PATJ: variants seen among roughly 807,000 people sequenced by gnomAD.
PATJ encodes PATJ crumbs cell polarity complex component, also known as inaD-like protein.
Under a neutral mutation model 224.9 loss-of-function variants are expected in PATJ, and 190 were observed. The observed-to-expected ratio is 0.84, with a 90% CI of 0.75 to 0.95. The LOEUF is 0.95. Ranked by LOEUF, PATJ falls within the 40% of genes least tolerant of loss-of-function variation. The pLI, the probability that PATJ is intolerant of heterozygous loss-of-function variation, is 0.00. For synonymous variants in PATJ, 769 were observed against 820.3 expected, an observed-to-expected ratio of 0.94 and a Z score of 1.07; for missense variants, 2,121 against 2,270.3, an observed-to-expected ratio of 0.93 and a Z score of 1.34.
chr1:61,803,426 C>T (rs77466129), intron 12 of PATJ, among the ~76,000 whole-genome samples: 466 of 152,224 alleles, frequency 3.1e-3, no homozygotes, highest in African/African-American at 0.01. Context: ...TTAACTCCAA[C>T]ACATGCACTA....
chr1:61,978,865 TG>T (rs1175463545), intron 27 of PATJ, among the ~76,000 whole-genome samples: 2 of 152,254 alleles, frequency 1.3e-5, no homozygotes, highest in East Asian at 3.8e-4. Context: ...ATTAAAATAC[TG>T]GGCAGTGACT....
chr1:62,090,942 T>C (rs181772892), intron 33 of PATJ, among the ~76,000 whole-genome samples: 32 of 152,354 alleles, frequency 2.1e-4, no homozygotes, highest in Admixed American at 1.1e-3. Context: ...CTGGGGTTAT[T>C]ATCAGGCTTG....
At chr1:61,893,780 A>T (rs1474031562) in intron 22 of PATJ, among the ~76,000 whole-genome samples, 5 of 151,616 alleles carry the variant, frequency 3.3e-5, no homozygotes, top group Non-Finnish European at 7.4e-5. Flanking sequence ...CAAAACAACA[A>T]AACAAGAGAA....
chr1:62,058,706 T>TAG (rs2148628041), intron 31 of PATJ, among the ~76,000 whole-genome samples: 1 of 152,340 alleles, frequency 6.6e-6, no homozygotes, highest in South Asian at 2.1e-4. Flanking sequence ...ATTTTGCCTA[T>TAG]ATGAAATGTA....
chr1:61,965,043 T>C (rs1681889911), intron 27 of PATJ, among the ~76,000 whole-genome samples: 3 of 131,842 alleles, frequency 2.3e-5, no homozygotes, highest in African/African-American at 8.6e-5. Context: ...ACCCGAAAGG[T>C]GGAGGCTGCA....
chr1:62,015,348 G>A (rs371463186), intron 28 of PATJ, among the ~76,000 whole-genome samples: 5 of 151,774 alleles, frequency 3.3e-5, no homozygotes, highest in South Asian at 4.2e-4. Context: ...GAGTAGTTTC[G>A]AACCCATAAA....
In PATJ at chr1:61,864,577, G is replaced by T; in HGVS notation, c.2779G>T (p.Gly927Trp). Residue 927 changes from glycine (G) to tryptophan (W), a missense_variant, in exon 20 of 44, where the codon GGG becomes TGG. Transcript: ENST00000642238. ...ATCCGAGTCTCAAGAGGCAAGAACC[G>T]GGAGGACTGTCTATTCCCAGGAGGC... ...EPSESQEART[G>W]RTVYSQEAQP... 6.2e-7 allele frequency: 1 copy of T among 1,610,680 alleles called. No homozygotes were observed. The highest frequency in any genetic ancestry group is 2.2e-5 in the East Asian group (1 of 44,856).
intron 23 of PATJ, among the ~76,000 whole-genome samples, chr1:61,900,294 T>C (rs1221543090): frequency 2.6e-5 from 4 of 152,218 alleles, no homozygotes. Context: ...TAAGAGTTGT[T>C]TTCAGAGTTA....
Position 62,021,923 on chromosome 1 carries a change from T to A in PATJ, c.3959+3976T>A, listed in dbSNP as rs1647106437. 2.0e-5 allele frequency among the ~76,000 whole-genome samples: 3 copies of A among 152,258 alleles called. No homozygotes were observed. In the South Asian group the frequency reaches 6.2e-4, roughly 31 times the overall value. Reference sequence around the variant, plus strand: ...ACGTTACTTTGAGGACTAGTTTTTATAAATTGTATTTCTTTACAATTTGCA... The same window carrying A: ...ACGTTACTTTGAGGACTAGTTTTTAAAAATTGTATTTCTTTACAATTTGCA... On this transcript the variant is annotated intron_variant, in intron 29 of 43. Coordinates refer to ENST00000642238, the MANE Select transcript of PATJ (RefSeq NM_001350145.3).
Position 61,856,130 on chromosome 1 carries a change from T to G in PATJ, c.2213T>G (p.Val738Gly). The change falls in exon 18 of 44, where the codon GTC becomes GGC. Residue 738 changes from valine (V) to glycine (G), a missense_variant. Transcript: ENST00000642238. ...SGGLLPGDRL[V>G]SVNEYCLDNT... ...GGACTATTACCTGGAGACCGCCTGG[T>G]CTCAGTCAATGAATACTGTTTGGAC... is the stretch of plus-strand genomic sequence containing the variant. 1 of 1,614,082 alleles carries G rather than the reference T, an allele frequency of 6.2e-7. No homozygotes were observed.
intron 14 of PATJ, among the ~76,000 whole-genome samples, chr1:61,821,688 C>A (rs903100935): frequency 1.3e-5 from 2 of 152,124 alleles, no homozygotes; most frequent in African/African-American, 4.8e-5. Flanking sequence ...TGCACTGCCA[C>A]CCTGTGTAGG....
intron 27 of PATJ, among the ~76,000 whole-genome samples, chr1:61,940,021 G>A (rs878876976): frequency 4.0e-5 from 6 of 151,776 alleles, no homozygotes; most frequent in Admixed American, 3.9e-4. Context: ...ATATCCTAAG[G>A]GAGTCATTGT....
In PATJ at chr1:61,763,651, A is replaced by T. The variant is rs1300823189; in HGVS notation, c.189+472A>T. Among the ~76,000 whole-genome samples the T allele has an allele frequency of 7.2e-5, 11 of 152,192 alleles. No individual in the cohort carries two copies. The South Asian group carries it at 2.3e-3, about 32-fold the overall frequency. On this transcript the variant is annotated intron_variant, in intron 3 of 43. Coordinates refer to ENST00000642238, the MANE Select transcript of PATJ (RefSeq NM_001350145.3). ...TCTTCAAAACTATAAAATAGTGCTTAACTTAAATATATTTTCTTTTTATTT... is the reference window on the plus strand; with the variant it reads ...TCTTCAAAACTATAAAATAGTGCTTTACTTAAATATATTTTCTTTTTATTT...
intron 20 of PATJ, among the ~76,000 whole-genome samples, chr1:61,868,952 A>C (rs573899904): frequency 2.2e-4 from 34 of 152,324 alleles, no homozygotes; most frequent in South Asian, 1.4e-3. Flanking sequence ...GCAACAAAAG[A>C]AGCAGCAAGC....
Position 61,891,847 on chromosome 1 carries a change from G to A in PATJ, c.3131+7439G>A, listed in dbSNP as rs76911040. Among the ~76,000 whole-genome samples, 787 of 152,214 alleles carry A rather than the reference G, an allele frequency of 5.2e-3. 10 individuals are homozygous for A. Among genetic ancestry groups the A allele is most frequent in the African/African-American group, 0.018 (748 of 41,534 alleles). On this transcript the variant is annotated intron_variant, in intron 22 of 43. Coordinates refer to ENST00000642238, the MANE Select transcript of PATJ (RefSeq NM_001350145.3). The stretch of plus-strand genomic sequence containing the variant: ...TTCATGTAATATACACTCCAATGAA[G>A]ATAAGGAACATTTCCATCACCCAGA...
At chr1:62,078,323 C>T (rs1658672561) in intron 31 of PATJ, among the ~76,000 whole-genome samples, 1 of 152,196 alleles carries the variant, frequency 6.6e-6, no homozygotes, top group Admixed American at 6.5e-5. Flanking sequence ...ATTCTTGTTG[C>T]CCAGGCTGGA....
At chr1:62,003,346 A>T (rs1377654644) in intron 28 of PATJ, among the ~76,000 whole-genome samples, 1 of 152,102 alleles carries the variant, frequency 6.6e-6, no homozygotes, top group African/African-American at 2.4e-5. Flanking sequence ...AGGATATCTT[A>T]CTCTTTTCCC....
chr1:61,904,183 C>G (rs1014616283), intron 24 of PATJ, among the ~76,000 whole-genome samples: 3 of 152,096 alleles, frequency 2.0e-5, no homozygotes, highest in African/African-American at 4.8e-5. Context: ...ATCTAATCAT[C>G]TAGAAAATAA....
At chr1:61,871,465 A>ATATACATATATATGTACATATATATG (rs1666492393) in intron 20 of PATJ, among the ~76,000 whole-genome samples, 13 of 119,236 alleles carry the variant, frequency 1.1e-4, no homozygotes, top group African/African-American at 3.1e-4. Context: ...GCGTATATAT[A>ATATACATATATATGTACATATATATG]TGTATATACA....
Sources: allele counts gnomAD v4.1 joint callset (sites outside exome capture counted in the v4.1 genomes callset), GRCh38; gene constraint gnomAD v4.1.1; transcripts MANE v1.5; gene names NCBI Gene and HGNC (gene_info 2026-07-23, HGNC 2026-07-21).